Variants in MAFF observed in about 807,000 individuals in gnomAD.
The protein encoded by MAFF is MAF bZIP transcription factor F.
A neutral mutation model predicts 2.7 loss-of-function variants in MAFF; 4 were observed. The ratio of observed to expected loss-of-function variants is 1.48; its 90% CI spans 0.73 to 3.39. The LOEUF (loss-of-function observed/expected upper bound fraction) is 3.39. MAFF is among the 30% of genes most tolerant of loss of function. The pLI is 0.01. For missense variants in MAFF, 190 were observed against 246.6 expected, an observed-to-expected ratio of 0.77 and a Z score of 1.54; for synonymous variants, 113 against 119.4, an observed-to-expected ratio of 0.95 and a Z score of 0.35.
In MAFF at chr22:38,214,424, A is replaced by C. The variant is rs758643505; in HGVS notation, c.41A>C (p.Lys14Thr). The change falls in exon 3 of 3, where the codon AAG becomes ACG. Residue 14 changes from lysine (K) to threonine (T), a missense_variant. Around this residue, in one of 2 missense-constraint regions of MAFF, gnomAD observed 87 missense variants for 143.6 expected, o/e 0.61. Transcript: ENST00000338483. This position sits in a 1 kb window ranked among gnomAD's most constrained non-coding sequence, Gnocchi z 6.3. ...TCAGTTTCCTCATGCCCGCAGATCAAGCGAGAGCTGAGCGAGAACACGCCG... is the reference window on the plus strand; with the variant it reads ...TCAGTTTCCTCATGCCCGCAGATCACGCGAGAGCTGAGCGAGAACACGCCG... ...DPLSSKALKI[K>T]RELSENTPHL... is the part of the protein sequence containing the mutation. 1 of 1,598,088 alleles carries C rather than the reference A, an allele frequency of 6.3e-7. No homozygotes were observed. Among genetic ancestry groups the C allele is most frequent in the East Asian group, 2.2e-5 (1 of 44,474 alleles).
At chr22:38,209,591 T>TC (rs1021280166) in intron 1 of MAFF, among the ~76,000 whole-genome samples, 1 of 151,642 alleles carries the variant, frequency 6.6e-6, no homozygotes, top group African/African-American at 2.4e-5. Context: ...GGCAGGTGGA[T>TC]CACCTGAGGT....
intron 1 of MAFF, among the ~76,000 whole-genome samples, chr22:38,211,471 C>T (rs1309612082): frequency 3.3e-5 from 5 of 152,042 alleles, no homozygotes; most frequent in Admixed American, 6.5e-5. Context: ...ATGATCCACC[C>T]GCCTTGGCCT....
intron 1 of MAFF, among the ~76,000 whole-genome samples, chr22:38,204,588 A>T (rs2267374): frequency 0.45 from 67,892 of 152,016 alleles, 16,771 homozygotes; most frequent in Non-Finnish European, 0.55. Flanking sequence ...CCCCAGAGAA[A>T]CAGGAAGCCA....
chr22:38,209,680 G>T (rs983255021), intron 1 of MAFF, among the ~76,000 whole-genome samples: 2 of 151,974 alleles, frequency 1.3e-5, no homozygotes, highest in African/African-American at 4.8e-5. Context: ...GGGCGTGGTG[G>T]TAGGCGCCTG....
In MAFF at chr22:38,209,826, AAAAAAAAAAGGG is replaced by A. The variant is rs1469082560; in HGVS notation, c.-31-3987_-31-3976del. 3.0e-3 allele frequency among the ~76,000 whole-genome samples: 452 copies of A among 150,796 alleles called. 1 individual carries two copies. Among genetic ancestry groups the A allele is most frequent in the African/African-American group, 0.011 (433 of 40,408 alleles). Reference sequence around the variant, plus strand: ...GAGACTCCATCTCAAAAAAAAAAAAAAAAAAAAAAGGGAAAAAAAAAAGGCCTGCATTGAAAG... The same window carrying A: ...GAGACTCCATCTCAAAAAAAAAAAAAAAAAAAAAAAGGCCTGCATTGAAAG... On this transcript the variant is annotated intron_variant, in intron 1 of 2. Coordinates refer to ENST00000338483, the MANE Select transcript of MAFF (RefSeq NM_012323.4).
chr22:38,211,014 CG>C (rs1229362692), intron 1 of MAFF, among the ~76,000 whole-genome samples: 1 of 151,532 alleles, frequency 6.6e-6, no homozygotes, highest in Non-Finnish European at 1.5e-5. Flanking sequence ...GAGCTGTGAT[CG>C]TGTCACTGCA....
chr22:38,214,858 G>A lies in MAFF; in HGVS notation c.475G>A (p.Gly159Ser), dbSNP rs1444625823. Residue 159 changes from glycine (G) to serine (S), a missense_variant, in exon 3 of 3, where the codon GGC becomes AGC. Gly to Ser is a moderately conservative substitution (Grantham distance 56, BLOSUM62 0). Around this residue, in one of 2 missense-constraint regions of MAFF, gnomAD observed 103 missense variants for 103.0 expected, o/e 1.00. Transcript: ENST00000338483. This position sits in a 1 kb window ranked among gnomAD's most constrained non-coding sequence, Gnocchi z 6.3. Reference sequence around the variant, plus strand: ...CGCCCACGGCCCGGACCCCGCCCACGGCCCGGCCTCCTGCTCCTAGTGCCC... The same window carrying A: ...CGCCCACGGCCCGGACCCCGCCCACAGCCCGGCCTCCTGCTCCTAGTGCCC... ...GPAHGPDPAH[G>S]PASCS is the part of the protein sequence containing the mutation. 4 of 1,500,112 alleles carry A rather than the reference G, an allele frequency of 2.7e-6. No homozygotes were observed. The highest frequency in any genetic ancestry group is 2.5e-5 in the South Asian group (2 of 80,060). The allele number at this position is 1,500,112 out of a possible 1,614,324, so 92.9% of individuals were successfully genotyped here. A position where few individuals can be genotyped will look rare whatever the true frequency, so the allele number is the denominator to read the frequency against.
In MAFF at chr22:38,210,783, T is replaced by G. The variant is rs967316126; in HGVS notation, c.-31-3040T>G. Among the ~76,000 whole-genome samples the G allele has an allele frequency of 1.1e-4, 16 of 151,866 alleles. 1 individual carries two copies. Among genetic ancestry groups the G allele is most frequent in the Non-Finnish European group, 1.5e-5 (1 of 67,956 alleles). On this transcript the variant is annotated intron_variant, in intron 1 of 2. Coordinates refer to ENST00000338483, the MANE Select transcript of MAFF (RefSeq NM_012323.4). The stretch of plus-strand genomic sequence containing the variant: ...GGAACAAGGATGCCAACAGAGGCCA[T>G]GCGTCGTGGCTCATGCCTATAATCC...
rs1163955399 is a variant in MAFF, at chr22:38,202,020, C to T, written c.-224C>T. 1 of 152,350 alleles carries T rather than the reference C, an allele frequency of 6.6e-6. No homozygotes were observed. Among genetic ancestry groups the T allele is most frequent in the African/African-American group, 2.4e-5 (1 of 41,476 alleles). The allele number at this position is 152,350 out of a possible 1,614,324, so 9.4% of individuals were successfully genotyped here. A position where few individuals can be genotyped will look rare whatever the true frequency, so the allele number is the denominator to read the frequency against. On this transcript the variant is annotated 5_prime_UTR_variant, in exon 1 of 3. Coordinates refer to ENST00000338483, the MANE Select transcript of MAFF (RefSeq NM_012323.4). The surrounding 1 kb of genome is among the most constrained non-coding windows in gnomAD (Gnocchi z 7.4). ...ATTCCGGGAAGCTCGCCTTACAACT[C>T]CGCGCGGCCTCGGCCCCCTGCGCCG...
chr22:38,209,418 A>C (rs1162388887), intron 1 of MAFF, among the ~76,000 whole-genome samples: 3 of 152,048 alleles, frequency 2.0e-5, no homozygotes, highest in Non-Finnish European at 4.4e-5. Context: ...CGCGTGGTGC[A>C]AAGATTGTCC....
intron 1 of MAFF, among the ~76,000 whole-genome samples, chr22:38,210,980 A>G (rs2091095336): frequency 6.6e-6 from 1 of 151,956 alleles, no homozygotes; most frequent in Non-Finnish European, 1.5e-5. Flanking sequence ...GGACCACTTG[A>G]GCCTGGGAGT....
At chr22:38,207,028 T>TAC (rs1457449319) in intron 1 of MAFF, among the ~76,000 whole-genome samples, 6 of 152,128 alleles carry the variant, frequency 3.9e-5, no homozygotes, top group African/African-American at 1.4e-4. Flanking sequence ...TTCACAGGGC[T>TAC]AGGGAAACAG....
At chr22:38,205,354 GCT>G (rs1402095900) in intron 1 of MAFF, 1 of 152,306 alleles carries the variant, frequency 6.6e-6, no homozygotes, top group African/African-American at 2.4e-5. Context: ...TTCCAGCCTT[GCT>G]CCCCTTCCAG....
Position 38,213,837 on chromosome 22 carries a change from G to T in MAFF, c.-17G>T, listed in dbSNP as rs761247161. The T allele has an allele frequency of 1.9e-6, 3 of 1,613,854 alleles. No homozygotes were observed. The South Asian group carries it at 3.3e-5, about 18-fold the overall frequency. Reference sequence around the variant, plus strand: ...TTCTACCCTAGGTCTGCAGCCCAGAGGGCACCTTCTGCAAACATGTCTGTG... The same window carrying T: ...TTCTACCCTAGGTCTGCAGCCCAGATGGCACCTTCTGCAAACATGTCTGTG... On this transcript the variant is annotated 5_prime_UTR_variant, in exon 2 of 3. In the 5' UTR this introduces an upstream ATG that the reference lacks. Transcript: ENST00000338483.
chr22:38,209,401 T>C (rs537612659), intron 1 of MAFF, among the ~76,000 whole-genome samples: 1 of 152,052 alleles, frequency 6.6e-6, no homozygotes, highest in Non-Finnish European at 1.5e-5. Flanking sequence ...GGTGGCATGG[T>C]CAGATTCGCG....
At chr22:38,211,491 C>T (rs1297763693) in intron 1 of MAFF, among the ~76,000 whole-genome samples, 1 of 151,512 alleles carries the variant, frequency 6.6e-6, no homozygotes, top group Non-Finnish European at 1.5e-5. Context: ...TCCCAAAGTG[C>T]TGGGATTACA....
At position 38,215,782 on chromosome 22, in the gene MAFF, C is replaced by G. The variant is rs2091144432; in HGVS notation, c.*904C>G. 6.0e-6 allele frequency: 1 copy of G among 167,042 alleles called. No homozygotes were observed. The highest frequency in any genetic ancestry group is 2.4e-5 in the African/African-American group (1 of 41,418). 10.3% of individuals were successfully genotyped at this position (167,042 alleles called of 1,614,324 possible). A position where few individuals can be genotyped will look rare whatever the true frequency, so the allele number is the denominator to read the frequency against. On this transcript the variant is annotated 3_prime_UTR_variant, in exon 3 of 3. Transcript: ENST00000338483. ...GTCCTACTACAGTCTGGAGTGGGGT[C>G]CTAAGAAGAAGGGTCCCACCTCAAC... is the stretch of plus-strand genomic sequence containing the variant.
chr22:38,210,785 C>T (rs576956816), intron 1 of MAFF, among the ~76,000 whole-genome samples: 3 of 152,052 alleles, frequency 2.0e-5, no homozygotes, highest in South Asian at 2.1e-4. Flanking sequence ...AGAGGCCATG[C>T]GTCGTGGCTC....
rs2091120988 is a variant in MAFF, at chr22:38,213,822, G to A, written c.-31-1G>A. 1.2e-6 allele frequency: 2 copies of A among 1,611,412 alleles called. No individual in the cohort carries two copies. The highest frequency in any genetic ancestry group is 1.7e-5 in the Admixed American group (1 of 60,004). ...TGACTTTGACCTCCTTTCTACCCTA[G>A]GTCTGCAGCCCAGAGGGCACCTTCT... On this transcript the variant is annotated splice_acceptor_variant, in intron 1 of 2. Transcript: ENST00000338483. LOFTEE classifies it low-confidence loss of function (5UTR_SPLICE).
Sources: allele counts gnomAD v4.1 joint callset (sites outside exome capture counted in the v4.1 genomes callset), GRCh38; gene constraint gnomAD v4.1.1; regional missense constraint gnomAD v4.1.1; non-coding constraint Gnocchi (gnomAD v3.1); transcripts MANE v1.5; gene names NCBI Gene and HGNC (gene_info 2026-07-23, HGNC 2026-07-21).